The following CREB5 variants were observed in gnomAD, a reference collection of about 807,000 sequenced individuals.
The protein encoded by CREB5 is cAMP responsive element binding protein 5.
Under a neutral mutation model 57.1 loss-of-function variants are expected in CREB5, and 19 were observed. That is an observed-to-expected ratio of 0.33 (90% CI 0.23 to 0.49). The LOEUF is 0.49. Among genes scored for constraint, CREB5 ranks in the 20% least tolerant of loss-of-function variants. The pLI is 0.99. For synonymous variants in CREB5, 238 were observed against 238.3 expected (o/e 1.00, Z 0.01); for missense variants, 579 against 671.6 (o/e 0.86, Z 1.52).
intron 1 of CREB5, among the ~76,000 whole-genome samples, chr7:28,355,042 G>T (rs780019608): frequency 6.6e-6 from 1 of 152,208 alleles, no homozygotes; most frequent in Non-Finnish European, 1.5e-5. Flanking sequence ...GCCACTGTTG[G>T]TTATGTCTTC....
intron 4 of CREB5, among the ~76,000 whole-genome samples, chr7:28,557,826 G>A (rs965951860): frequency 6.6e-6 from 1 of 152,146 alleles, no homozygotes; most frequent in Non-Finnish European, 1.5e-5. Flanking sequence ...AGAGTGATGG[G>A]GTAGAGTAGC....
At chr7:28,348,439 C>CAA (rs1444036222) in intron 1 of CREB5, among the ~76,000 whole-genome samples, 1 of 150,478 alleles carries the variant, frequency 6.6e-6, no homozygotes, top group East Asian at 1.9e-4. Flanking sequence ...CACACACACA[C>CAA]ACACAGACAC....
chr7:28,452,371 C>T (rs1314544069), intron 1 of CREB5, among the ~76,000 whole-genome samples: 1 of 151,872 alleles, frequency 6.6e-6, no homozygotes, highest in African/African-American at 2.4e-5. Context: ...ATTTTATAGA[C>T]TAAAAAACCC....
At chr7:28,438,785 G>A (rs1399163458) in intron 1 of CREB5, among the ~76,000 whole-genome samples, 1 of 152,190 alleles carries the variant, frequency 6.6e-6, no homozygotes, top group Non-Finnish European at 1.5e-5. Flanking sequence ...AGCAATTGCC[G>A]TAAGTTCCCA....
intron 5 of CREB5, among the ~76,000 whole-genome samples, chr7:28,581,215 T>C (rs779085841): frequency 2.6e-5 from 4 of 152,242 alleles, no homozygotes; most frequent in Non-Finnish European, 4.4e-5. Flanking sequence ...TTTAACCTTC[T>C]TGCACACAAA....
At chr7:28,328,591 A>G (rs1785653700) in intron 1 of CREB5, among the ~76,000 whole-genome samples, 1 of 152,224 alleles carries the variant, frequency 6.6e-6, no homozygotes, top group Non-Finnish European at 1.5e-5. Flanking sequence ...AATGATAAGA[A>G]TAATATTTGC....
At chr7:28,792,885 T>G (rs919163427) in intron 7 of CREB5, among the ~76,000 whole-genome samples, 3 of 152,144 alleles carry the variant, frequency 2.0e-5, no homozygotes, top group Non-Finnish European at 4.4e-5. Flanking sequence ...ACAAATGTGC[T>G]GTTTGGGTGG....
At chr7:28,575,074 T>C (rs185424333) in intron 5 of CREB5, among the ~76,000 whole-genome samples, 1 of 152,340 alleles carries the variant, frequency 6.6e-6, no homozygotes, top group East Asian at 1.9e-4. Context: ...TGCCTCTTTA[T>C]CCCTTTTCTC....
intron 5 of CREB5, among the ~76,000 whole-genome samples, chr7:28,682,313 C>T (rs749988714): frequency 2.0e-5 from 3 of 152,218 alleles, no homozygotes; most frequent in Non-Finnish European, 4.4e-5. Flanking sequence ...GGCGGCCCCT[C>T]ATCCTCTGTC....
At chr7:28,427,205 G>C (rs775819943) in intron 1 of CREB5, among the ~76,000 whole-genome samples, 9 of 152,118 alleles carry the variant, frequency 5.9e-5, no homozygotes, top group Non-Finnish European at 1.3e-4. Flanking sequence ...TGTGCAGAGA[G>C]GAACATAATT....
chr7:28,319,992 G>A (rs1785464250), intron 1 of CREB5, among the ~76,000 whole-genome samples: 2 of 152,014 alleles, frequency 1.3e-5, no homozygotes, highest in South Asian at 2.1e-4. Flanking sequence ...GTGAAGTGGT[G>A]TGATCTTGGC....
rs1795208911 is a variant in CREB5 at position 28,560,951 on chromosome 7, C to CGTGCGTGT, written c.292-9411_292-9410insCGTGTGTG. ...GTGCGTGTGTGCGTGCGTGTGTGTG[C>CGTGCGTGT]GTGTGTGTGCGTGTGTGTGTGCGTG... On this transcript the variant is annotated intron_variant, in intron 4 of 10. Coordinates refer to ENST00000357727, the MANE Select transcript of CREB5 (RefSeq NM_182898.4). 4.0e-3 allele frequency among the ~76,000 whole-genome samples: 154 copies of CGTGCGTGT among 38,974 alleles called. 18 individuals are homozygous for CGTGCGTGT. The highest frequency in any genetic ancestry group is 0.012 in the African/African-American group (146 of 12,264). The allele number at this position is 38,974 out of a possible 152,430, so 25.6% of individuals were successfully genotyped here.
At chr7:28,630,945 T>C (rs2128692979) in intron 5 of CREB5, among the ~76,000 whole-genome samples, 1 of 152,280 alleles carries the variant, frequency 6.6e-6, no homozygotes, top group East Asian at 1.9e-4. Context: ...GCCCCCGTGT[T>C]AGATATGAGG....
intron 5 of CREB5, among the ~76,000 whole-genome samples, chr7:28,703,806 C>A (rs1041077927): frequency 1.3e-5 from 2 of 152,198 alleles, no homozygotes; most frequent in African/African-American, 4.8e-5. Context: ...AAATGTTAAT[C>A]CCTTCCAGAA....
At chr7:28,664,852 G>A (rs774694834) in intron 5 of CREB5, among the ~76,000 whole-genome samples, 1 of 152,164 alleles carries the variant, frequency 6.6e-6, no homozygotes, top group Non-Finnish European at 1.5e-5. Context: ...AGTTTTAGAC[G>A]TAGTGTATTC....
At chr7:28,784,591 C>T (rs1807200223) in intron 7 of CREB5, among the ~76,000 whole-genome samples, 1 of 152,062 alleles carries the variant, frequency 6.6e-6, no homozygotes, top group Non-Finnish European at 1.5e-5. Context: ...GATGATGGAT[C>T]CTTAAGCCCC....
chr7:28,563,924 C>T (rs1003629073), intron 4 of CREB5, among the ~76,000 whole-genome samples: 2 of 152,142 alleles, frequency 1.3e-5, no homozygotes, highest in African/African-American at 4.8e-5. Flanking sequence ...TACCTCACTA[C>T]CCCCTTGGTC....
chr7:28,335,229 G>A (rs1308107346), intron 1 of CREB5, among the ~76,000 whole-genome samples: 1 of 151,994 alleles, frequency 6.6e-6, no homozygotes, highest in African/African-American at 2.4e-5. Flanking sequence ...CTATTTCTGT[G>A]AAGAATGTCA....
chr7:28,381,356 G>A (rs1237073602), intron 1 of CREB5, among the ~76,000 whole-genome samples: 1 of 152,172 alleles, frequency 6.6e-6, no homozygotes, highest in East Asian at 1.9e-4. Context: ...CTCAGAAGAG[G>A]TGCTACTATT....
Sources: gnomAD v4.1 joint callset for allele counts (sites outside exome capture counted in the v4.1 genomes callset) on GRCh38, gnomAD v4.1.1 for gene constraint, MANE v1.5 for transcripts, NCBI Gene and HGNC (gene_info 2026-07-23, HGNC 2026-07-21) for gene names.